Variants in USP16 observed in about 807,000 individuals in gnomAD.
USP16 encodes the protein ubiquitin specific peptidase 16, also known as ubiquitin carboxyl-terminal hydrolase 16.
Under a neutral mutation model 95.9 loss-of-function variants are expected in USP16, and 77 were observed. That is an observed-to-expected ratio of 0.80 (90% confidence interval 0.67 to 0.97). The LOEUF (loss-of-function observed/expected upper bound fraction) is 0.97, where lower values mean the gene tolerates loss of function less well. Among genes scored for constraint, USP16 ranks in the 50% least tolerant of loss-of-function variants. The pLI is 0.00. For synonymous variants in USP16, 303 were observed against 318.2 expected, an observed-to-expected ratio of 0.95 and a Z score of 0.51; for missense variants, 943 against 959.9, an observed-to-expected ratio of 0.98 and a Z score of 0.23.
At chr21:29,025,836 T>C in intron 1 of USP16, 1 of 562,940 alleles carries the variant, frequency 1.8e-6, no homozygotes, top group Non-Finnish European at 2.3e-6. Flanking sequence ...TGTACTAACA[T>C]TATGCTAGAT....
At position 29,046,775 on chromosome 21, in the gene USP16, G is replaced by A. The variant is rs1204005195; in HGVS notation, c.1465G>A (p.Gly489Arg). ...SEYEAEMSLQ[G>R]EVNIKSNHIS... ...ATATGAAGCTGAAATGTCACTTCAA[G>A]GAGAAGTAAATATTAAATCCAACCA... Residue 489 changes from glycine (G) to arginine (R), a missense_variant, in exon 14 of 18, where the codon GGA (glycine) becomes AGA (arginine). Gly to Arg is a moderately radical substitution (Grantham distance 125, BLOSUM62 -2). Transcript: ENST00000399976. 2 of 1,613,998 alleles carry A rather than the reference G, an allele frequency of 1.2e-6. No individual in the cohort carries two copies. The highest frequency in any genetic ancestry group is 1.7e-6 in the Non-Finnish European group (2 of 1,179,994).
intron 15 of USP16, 138 bp from the exon 16 acceptor site, chr21:29,049,954 G>A: frequency 1.4e-6 from 1 of 725,474 alleles, no homozygotes; most frequent in Admixed American, 3.1e-5. Flanking sequence ...TTAGTGTTCA[G>A]GAAGAATTGA....
chr21:29,045,182 ATG>A (rs1186259479), intron 13 of USP16, among the ~76,000 whole-genome samples: 1 of 152,114 alleles, frequency 6.6e-6, no homozygotes, highest in African/African-American at 2.4e-5. Flanking sequence ...TTTTTTATTC[ATG>A]TGTTCCTCTG....
At position 29,054,391 on chromosome 21, in the gene USP16, T is replaced by C; in HGVS notation, c.*204T>C. 1 of 683,842 alleles carries C rather than the reference T, an allele frequency of 1.5e-6. No homozygotes were observed. Among genetic ancestry groups the C allele is most frequent in the Non-Finnish European group, 2.3e-6 (1 of 437,238 alleles). 42.4% of individuals were successfully genotyped at this position (683,842 alleles called of 1,614,324 possible). A position where few individuals can be genotyped will look rare whatever the true frequency, so the allele number is the denominator to read the frequency against. ...GTCATAGTGGTTTTTATTCCTGCTT[T>C]GTTTCTGGAAAGGAAATCCTGAATT... On this transcript the variant is annotated 3_prime_UTR_variant, in exon 18 of 18. Transcript: ENST00000399976.
intron 1 of USP16, 49 bp from the exon 2 acceptor site, chr21:29,027,824 T>C: frequency 7.5e-7 from 1 of 1,333,716 alleles, no homozygotes; most frequent in Non-Finnish European, 1.1e-6. Flanking sequence ...TAGAGAAATA[T>C]AAGACATACT....
chr21:29,034,163 A>G (rs1030191855), intron 3 of USP16, among the ~76,000 whole-genome samples: 3 of 152,188 alleles, frequency 2.0e-5, no homozygotes. Flanking sequence ...CTGAAAGAAT[A>G]TGCATGTGAA....
rs371404692 is a variant in USP16 at position 29,042,528 on chromosome 21, G to A, written c.1179G>A (p.Gln393=). Residue 393 remains glutamine, a splice_region_variant and synonymous_variant, in exon 12 of 18, where the codon CAG becomes CAA. Coordinates refer to ENST00000399976, the MANE Select transcript of USP16 (RefSeq NM_006447.3). ...LDLSLPVLDD[Q]SGKKSVNDKN... ...TGTCCCTCCCAGTTTTAGATGATCAGGTAAGACTATTGAATTTATTTTATT... is the reference window on the plus strand; with the variant it reads ...TGTCCCTCCCAGTTTTAGATGATCAAGTAAGACTATTGAATTTATTTTATT... 1.9e-6 allele frequency: 3 copies of A among 1,596,116 alleles called. No individual in the cohort carries two copies. In the African/African-American group the frequency reaches 4.1e-5, roughly 22 times the overall value.
intron 14 of USP16, 115 bp downstream of exon 14, chr21:29,047,436 T>C (rs1194662657): frequency 1.7e-6 from 2 of 1,177,500 alleles, no homozygotes; most frequent in African/African-American, 3.1e-5. Flanking sequence ...AAGTGTCCTT[T>C]TCTGTGTAAA....
intron 13 of USP16, among the ~76,000 whole-genome samples, chr21:29,044,247 C>T (rs2085288691): frequency 6.6e-6 from 1 of 151,270 alleles, no homozygotes; most frequent in Admixed American, 6.6e-5. Flanking sequence ...CACCACTTTC[C>T]TTTTATGACA....
intron 2 of USP16, among the ~76,000 whole-genome samples, chr21:29,028,979 C>T (rs1179399183): frequency 1.3e-5 from 2 of 152,200 alleles, no homozygotes; most frequent in African/African-American, 4.8e-5. Context: ...TCTTTTGATC[C>T]TGTTGCTAAA....
At chr21:29,038,195 C>T (rs2085190404) in intron 6 of USP16, 140 bp from the exon 7 acceptor site, 1 of 584,610 alleles carries the variant, frequency 1.7e-6, no homozygotes. Flanking sequence ...AGAGAAGCAT[C>T]TGTAACTTTT....
At position 29,039,630 on chromosome 21, in the gene USP16, G is replaced by T; in HGVS notation, c.951+62G>T. ...TCTTCATAAGCTTTCTGTCTCATTTGATATCTTACGAGTTAAAACAATGAA... is the reference window on the plus strand; with the variant it reads ...TCTTCATAAGCTTTCTGTCTCATTTTATATCTTACGAGTTAAAACAATGAA... On this transcript the variant is annotated intron_variant, in intron 9 of 17. Coordinates refer to ENST00000399976, the MANE Select transcript of USP16 (RefSeq NM_006447.3). 9 of 1,480,218 alleles carry T rather than the reference G, an allele frequency of 6.1e-6. No individual in the cohort carries two copies. In the South Asian group the frequency reaches 8.8e-5, roughly 15 times the overall value. 91.7% of individuals were successfully genotyped at this position (1,480,218 alleles called of 1,614,324 possible). A position where few individuals can be genotyped will look rare whatever the true frequency, so the allele number is the denominator to read the frequency against.
intron 13 of USP16, among the ~76,000 whole-genome samples, chr21:29,046,005 G>A (rs1472576296): frequency 6.6e-6 from 1 of 152,062 alleles, no homozygotes; most frequent in Admixed American, 6.5e-5. Flanking sequence ...TGTATTTTTA[G>A]TAGAGATGGG....
rs201576855 is a variant in USP16 at position 29,044,341 on chromosome 21, GT to G, written c.1356+749del. Among the ~76,000 whole-genome samples the G allele has an allele frequency of 6.5e-3, 980 of 151,874 alleles. 35 individuals are homozygous for G. The highest frequency in any genetic ancestry group is 0.058 in the Admixed American group (893 of 15,268). On this transcript the variant is annotated intron_variant, in intron 13 of 17. Coordinates refer to ENST00000399976, the MANE Select transcript of USP16 (RefSeq NM_006447.3). The stretch of plus-strand genomic sequence containing the variant: ...GAGCAAATACAAATATGCAGTCTTG[GT>G]TTTTTTCCCCCTTTCTCACCATTCA...
In USP16 at chr21:29,041,996, C is replaced by CT. The variant is rs757611880; in HGVS notation, c.1031-9dup. 9 of 1,603,662 alleles carry CT rather than the reference C, an allele frequency of 5.6e-6. No individual in the cohort carries two copies. Among genetic ancestry groups the CT allele is most frequent in the Non-Finnish European group, 6.8e-6 (8 of 1,172,522 alleles). ...ATAACGGTAATTGGTAATTGATAGA[C>CT]TTTTTTTTCTCCATAGATTATGAGA... On this transcript the variant is annotated splice_polypyrimidine_tract_variant and intron_variant, in intron 10 of 17. Transcript: ENST00000399976.
At chr21:29,053,697 C>T in intron 16 of USP16, 105 bp from the exon 17 acceptor site, 1 of 1,192,180 alleles carries the variant, frequency 8.4e-7, no homozygotes, top group Non-Finnish European at 1.2e-6. Flanking sequence ...TCTGCACTCT[C>T]AAAGTAATGG....
At position 29,031,397 on chromosome 21, in the gene USP16, TAGTCATGA is replaced by T. The variant is rs2085074534; in HGVS notation, c.240+633_240+640del. On this transcript the variant is annotated intron_variant, in intron 3 of 17. Coordinates refer to ENST00000399976, the MANE Select transcript of USP16 (RefSeq NM_006447.3). ...GTTAGGAAATTGGGCTACTAGGCAG[TAGTCATGA>T]AGTCATGAGGCTTCAAGATCAGGCA... is the stretch of plus-strand genomic sequence containing the variant. Among the ~76,000 whole-genome samples the T allele has an allele frequency of 2.0e-5, 3 of 152,330 alleles. No individual in the cohort carries two copies. The South Asian group carries it at 6.2e-4, about 32-fold the overall frequency.
At chr21:29,037,195 T>A (rs949402757) in intron 5 of USP16, 81 bp from the exon 6 acceptor site, 4 of 914,306 alleles carry the variant, frequency 4.4e-6, no homozygotes, top group Non-Finnish European at 4.7e-6. Context: ...ACTCACAAAC[T>A]CTAGTACTGT....
chr21:29,038,464 T>C, intron 7 of USP16, 34 bp downstream of exon 7: 5 of 1,423,398 alleles, frequency 3.5e-6, no homozygotes, highest in Non-Finnish European at 4.9e-6. Flanking sequence ...TCTGTAACTT[T>C]CCTCTCTGAA....
Sources: allele counts gnomAD v4.1 joint callset (sites outside exome capture counted in the v4.1 genomes callset), GRCh38; gene constraint gnomAD v4.1.1; transcripts MANE v1.5; gene names NCBI Gene and HGNC (gene_info 2026-07-23, HGNC 2026-07-21).